Variants in PARP6 observed in about 807,000 individuals in gnomAD.
PARP6 encodes protein mono-ADP-ribosyltransferase PARP6.
Under a neutral mutation model 92.0 loss-of-function variants are expected in PARP6, and 27 were observed. The observed-to-expected ratio is 0.29, with a 90% CI of 0.22 to 0.40. PARP6 has a LOEUF of 0.40. Among genes scored for constraint, PARP6 ranks in the 10% least tolerant of loss-of-function variants. The pLI, the probability that PARP6 is intolerant of heterozygous loss-of-function variation, is 1.00. For missense variants in PARP6, 501 were observed against 784.5 expected, an observed-to-expected ratio of 0.64 and a Z score of 4.32; for synonymous variants, 272 against 281.2, an observed-to-expected ratio of 0.97 and a Z score of 0.33.
At chr15:72,259,540 G>T in intron 11 of PARP6, 68 bp downstream of exon 11, 2 of 1,217,310 alleles carry the variant, frequency 1.6e-6, no homozygotes, top group Non-Finnish European at 2.4e-6. Flanking sequence ...GGAGCTGGGA[G>T]GTGTTAGGAG....
intron 2 of PARP6, among the ~76,000 whole-genome samples, 175 bp downstream of exon 2, chr15:72,270,848 G>C (rs1263357169): frequency 6.6e-6 from 1 of 152,172 alleles, no homozygotes; most frequent in Non-Finnish European, 1.5e-5. Context: ...CAGAGGCTTT[G>C]ACTGCTTTCA....
rs752002507 is a variant in PARP6 at position 72,260,480 on chromosome 15, A to C, written c.754T>G (p.Leu252Val). The C allele has an allele frequency of 6.2e-7, 1 of 1,612,642 alleles. No individual in the cohort carries two copies. The highest frequency in any genetic ancestry group is 8.5e-7 in the Non-Finnish European group (1 of 1,178,820). Residue 252 changes from leucine (L) to valine (V), a missense_variant and splice_region_variant, in exon 10 of 24, where the codon TTG becomes GTG. Physicochemically the swap from Leu to Val is conservative, Grantham distance 32. Coordinates refer to ENST00000569795, the MANE Select transcript of PARP6 (RefSeq NM_001323532.2). ...CAAACCCTCCCCAGCCCATGTACCA[A>C]AGGAGAGGTCCGTGCTGGGGGAGGG... ...GLPPPARTSPLVSGHCKNIPT... is the reference protein window; with the variant it reads ...GLPPPARTSPVVSGHCKNIPT...
At chr15:72,260,442 C>T in intron 10 of PARP6, 36 bp downstream of exon 10, 1 of 1,554,950 alleles carries the variant, frequency 6.4e-7, no homozygotes, top group Non-Finnish European at 8.9e-7. Context: ...TCCCACCCTC[C>T]TGATAGCCAA....
intron 20 of PARP6, chr15:72,245,678 C>T (rs2083520301): frequency 6.6e-6 from 1 of 152,156 alleles, no homozygotes; most frequent in African/African-American, 2.4e-5. Flanking sequence ...AATTCAACTG[C>T]ATTTTGTATC....
intron 7 of PARP6, 88 bp downstream of exon 7, chr15:72,264,993 T>C: frequency 1.2e-6 from 1 of 845,388 alleles, no homozygotes; most frequent in Non-Finnish European, 2.0e-6. Flanking sequence ...AAGGACCTTG[T>C]TCCTAATTTT....
At chr15:72,253,377 C>A in intron 16 of PARP6, 60 bp downstream of exon 16, 1 of 1,327,338 alleles carries the variant, frequency 7.5e-7, no homozygotes, top group Non-Finnish European at 1.1e-6. Flanking sequence ...GTACAGGTTC[C>A]ATGTCCAATA....
chr15:72,247,177 AT>A (rs927634371), intron 20 of PARP6, among the ~76,000 whole-genome samples: 1 of 151,560 alleles, frequency 6.6e-6, no homozygotes, highest in African/African-American at 2.4e-5. Context: ...TAAGTTTTAA[AT>A]TTTTTTTCTT....
chr15:72,258,380 T>C (rs1348647200), intron 11 of PARP6, among the ~76,000 whole-genome samples: 6 of 152,222 alleles, frequency 3.9e-5, no homozygotes, highest in African/African-American at 1.4e-4. Flanking sequence ...TAATACTTAA[T>C]GGCATATATA....
intron 14 of PARP6, among the ~76,000 whole-genome samples, chr15:72,254,826 T>C (rs190922463): frequency 1.2e-3 from 180 of 152,322 alleles, no homozygotes; most frequent in Non-Finnish European, 1.5e-3. Flanking sequence ...AAGAACTCTG[T>C]ATAGTAATGA....
chr15:72,265,956 C>T lies in PARP6; in HGVS notation c.117G>A (p.Gln39=). Reference sequence around the variant, plus strand: ...TCACGGCTTCAATGTCTGCATCAAGCTGTGGGTGTCGATACAGGTCAGCTG... The same window carrying T: ...TCACGGCTTCAATGTCTGCATCAAGTTGTGGGTGTCGATACAGGTCAGCTG... ...SCAADLYRHP[Q]LDADIEAVKE... Residue 39 remains glutamine (Q), a synonymous_variant, in exon 5 of 24, where the codon CAG becomes CAA. Coordinates refer to ENST00000569795, the MANE Select transcript of PARP6 (RefSeq NM_001323532.2). 6.2e-7 allele frequency: 1 copy of T among 1,614,050 alleles called. No homozygotes were observed. The highest frequency in any genetic ancestry group is 1.3e-5 in the African/African-American group (1 of 75,024).
In PARP6 at chr15:72,267,677, G is replaced by A. The variant is rs1005861145; in HGVS notation, c.-194-6C>T. ...GGTGGTAACAAGTCACTGTCCTGTG[G>A]AAAGTAGATAATAATGGGTTTCATC... On this transcript the variant is annotated splice_polypyrimidine_tract_variant and splice_region_variant and intron_variant, in intron 2 of 23. Coordinates refer to ENST00000569795, the MANE Select transcript of PARP6 (RefSeq NM_001323532.2). The A allele has an allele frequency of 2.5e-5, 15 of 591,154 alleles. No homozygotes were observed. The highest frequency in any genetic ancestry group is 5.7e-5 in the Admixed American group (2 of 34,934). The allele number at this position is 591,154 out of a possible 1,614,324, so 36.6% of individuals were successfully genotyped here.
chr15:72,251,297 TG>T, intron 16 of PARP6, 42 bp from the exon 17 acceptor site: 3 of 1,300,374 alleles, frequency 2.3e-6, no homozygotes, highest in African/African-American at 1.5e-5. Flanking sequence ...AGAATAATTA[TG>T]TATTTAAGCT....
At chr15:72,255,943 C>T (rs1473107172) in intron 14 of PARP6, among the ~76,000 whole-genome samples, 2 of 151,076 alleles carry the variant, frequency 1.3e-5, no homozygotes, top group Non-Finnish European at 3.0e-5. Context: ...ACTACAGGCG[C>T]CCACCACCAC....
In PARP6 at chr15:72,254,353, G is replaced by A. The variant is rs558881884; in HGVS notation, c.1191+102C>T. On this transcript the variant is annotated intron_variant, in intron 15 of 23. Transcript: ENST00000569795. ...AAAGACTAAAAAAAAAATACAGTGC[G>A]TAGCATCTCTAAATCTTCATCCCAC... is the stretch of plus-strand genomic sequence containing the variant. 1,096 of 806,470 alleles carry A rather than the reference G, an allele frequency of 1.4e-3. 1 individual carries two copies. The highest frequency in any genetic ancestry group is 2.1e-3 in the Non-Finnish European group (1,016 of 473,558). The allele number at this position is 806,470 out of a possible 1,614,324, so 50.0% of individuals were successfully genotyped here.
intron 16 of PARP6, among the ~76,000 whole-genome samples, chr15:72,251,826 C>A (rs1042010211): frequency 6.6e-6 from 1 of 152,192 alleles, no homozygotes; most frequent in East Asian, 1.9e-4. Context: ...AAGCTCTATA[C>A]AGGCTGAACA....
At chr15:72,257,949 T>G in intron 12 of PARP6, 88 bp downstream of exon 12, 1 of 971,906 alleles carries the variant, frequency 1.0e-6, no homozygotes, top group Non-Finnish European at 1.7e-6. Context: ...GAATTTTACC[T>G]TGACCACAGA....
chr15:72,269,700 G>A (rs1440893207), intron 2 of PARP6, among the ~76,000 whole-genome samples: 1 of 151,664 alleles, frequency 6.6e-6, no homozygotes, highest in Non-Finnish European at 1.5e-5. Flanking sequence ...AGGAGTTCGA[G>A]ACCAGCATGG....
intron 20 of PARP6, chr15:72,243,844 A>ACTCT (rs2083325275): frequency 6.6e-6 from 1 of 151,966 alleles, no homozygotes; most frequent in Non-Finnish European, 1.5e-5. Flanking sequence ...CACTCTCACC[A>ACTCT]CTCTACCCTG....
intron 8 of PARP6, among the ~76,000 whole-genome samples, chr15:72,261,971 T>C (rs910163584): frequency 6.6e-6 from 1 of 152,084 alleles, no homozygotes; most frequent in Non-Finnish European, 1.5e-5. Flanking sequence ...ATTTCAAAGG[T>C]GAGCCTTCAA....
Sources: gnomAD v4.1 joint callset for allele counts (sites outside exome capture counted in the v4.1 genomes callset) on GRCh38, gnomAD v4.1.1 for gene constraint, MANE v1.5 for transcripts, NCBI Gene and HGNC (gene_info 2026-07-23, HGNC 2026-07-21) for gene names.